The following MORC2 variants were observed in gnomAD, a reference collection of about 807,000 sequenced individuals.
MORC2 encodes ATPase MORC2.
A neutral mutation model predicts 136.0 loss-of-function variants in MORC2; 30 were observed. That is an observed-to-expected ratio of 0.22 (90% CI 0.17 to 0.30). MORC2 has a LOEUF of 0.30. Among genes scored for constraint, MORC2 ranks in the 10% least tolerant of loss-of-function variants. MORC2 has a pLI of 1.00. For synonymous variants in MORC2, 439 were observed against 487.0 expected (o/e 0.90, Z 1.30); for missense variants, 922 against 1,333.1 (o/e 0.69, Z 4.80).
At chr22:30,966,133 A>G (rs1332576860) in intron 1 of MORC2, among the ~76,000 whole-genome samples, 1 of 152,256 alleles carries the variant, frequency 6.6e-6, no homozygotes, top group Non-Finnish European at 1.5e-5. Context: ...GAAGCAATTA[A>G]CTGTTGTTAC....
intron 1 of MORC2, chr22:30,963,299 C>T: frequency 1.0e-6 from 1 of 984,202 alleles, no homozygotes; most frequent in Non-Finnish European, 1.2e-6. Context: ...CTTCACAGAC[C>T]TAAACATCCT....
In MORC2 at chr22:30,941,228, C is replaced by G. The variant is rs1410409950; in HGVS notation, c.824+205G>C. Among the ~76,000 whole-genome samples, 1 of 152,210 alleles carries G rather than the reference C, an allele frequency of 6.6e-6. No individual in the cohort carries two copies. The highest frequency in any genetic ancestry group is 2.4e-5 in the African/African-American group (1 of 41,458). On this transcript the variant is annotated intron_variant, in intron 9 of 25. Transcript: ENST00000397641. The surrounding 1 kb of genome is among the most constrained non-coding windows in gnomAD (Gnocchi z 4.6). Reference sequence around the variant, plus strand: ...CACAGAGGCACACATACTCAATGAGCTTAGCCAGCCACCTCCACAGCTGAT... The same window carrying G: ...CACAGAGGCACACATACTCAATGAGGTTAGCCAGCCACCTCCACAGCTGAT...
At position 30,934,952 on chromosome 22, in the gene MORC2, G is replaced by A. The variant is rs1438417919; in HGVS notation, c.2022C>T (p.Pro674=). 6.2e-7 allele frequency: 1 copy of A among 1,614,124 alleles called. No individual in the cohort carries two copies. Among genetic ancestry groups the A allele is most frequent in the Non-Finnish European group, 8.5e-7 (1 of 1,180,028 alleles). The change falls in exon 19 of 26, where the codon CCC becomes CCT. Residue 674 remains proline, a synonymous_variant. Transcript: ENST00000397641. The surrounding 1 kb of genome is among the most constrained non-coding windows in gnomAD (Gnocchi z 4.4). ...TGACGAGAGTGTTGGCAGGCTTTCG[G>A]GGTGCCTCAGGTGGCTGGAGCAGCC... The part of the protein sequence containing the change: ...TSRLLQPPEA[P]RKPANTLVKT...
chr22:30,963,161 A>G (rs1369752487), intron 1 of MORC2: 3 of 228,328 alleles, frequency 1.3e-5, no homozygotes. Context: ...TATTTTTAGT[A>G]CAGACGGGGT....
At chr22:30,958,432 A>G (rs1252425064) in intron 2 of MORC2, among the ~76,000 whole-genome samples, 1 of 152,224 alleles carries the variant, frequency 6.6e-6, no homozygotes, top group African/African-American at 2.4e-5. Context: ...TAGAACACAA[A>G]GAACAATTAG....
At chr22:30,966,715 T>C (rs1404538272) in intron 1 of MORC2, among the ~76,000 whole-genome samples, 3 of 152,094 alleles carry the variant, frequency 2.0e-5, no homozygotes, top group South Asian at 2.1e-4. Flanking sequence ...GAGGTGAAGG[T>C]TGCAGTGAGC....
At chr22:30,949,962 T>TC (rs1236670331) in intron 4 of MORC2, 120 bp from the exon 5 acceptor site, 1 of 847,712 alleles carries the variant, frequency 1.2e-6, no homozygotes, top group Non-Finnish European at 1.9e-6. Context: ...AAAACCTCTC[T>TC]CCAAGGAAAT....
At chr22:30,929,946 G>C (rs887897428) in intron 24 of MORC2, 2 of 151,976 alleles carry the variant, frequency 1.3e-5, no homozygotes, top group Non-Finnish European at 2.9e-5. Context: ...GCCTTTCCCC[G>C]GGTTCAAGCG....
intron 2 of MORC2, among the ~76,000 whole-genome samples, chr22:30,958,190 G>C (rs2040993769): frequency 6.6e-6 from 1 of 152,172 alleles, no homozygotes; most frequent in African/African-American, 2.4e-5. Context: ...AAGACACTGT[G>C]ATCATTTAGT....
chr22:30,960,997 C>T (rs927012538), intron 1 of MORC2, among the ~76,000 whole-genome samples: 11 of 151,832 alleles, frequency 7.2e-5, no homozygotes, highest in Non-Finnish European at 1.3e-4. Flanking sequence ...TCCCGAGTAG[C>T]TGGGATTACA....
Position 30,967,920 on chromosome 22 carries a change from G to A in MORC2, c.-31C>T, listed in dbSNP as rs762374457. On this transcript the variant is annotated 5_prime_UTR_variant, in exon 1 of 26. Coordinates refer to ENST00000397641, the MANE Select transcript of MORC2 (RefSeq NM_001303256.3). ...CAATAAGGTCTCCAGCCCTTCACCC[G>A]CTAACTGGGAAATATAACCTTATAA... 2.0e-5 allele frequency: 30 copies of A among 1,465,678 alleles called. 1 individual carries two copies. In the South Asian group the frequency reaches 2.1e-4, roughly 10 times the overall value. 90.8% of individuals were successfully genotyped at this position (1,465,678 alleles called of 1,614,324 possible).
Position 30,940,830 on chromosome 22 carries a change from T to C in MORC2, c.832A>G (p.Lys278Glu). ...GTCTTGAAACGGCTTGACGTGTACT[T>C]GTACATCCTGATCAGTAGAAAAAGC... ...SCCLYKPRMYKYTSSRFKTRA... is the reference protein window; with the variant it reads ...SCCLYKPRMYEYTSSRFKTRA... The change falls in exon 10 of 26, where the codon AAG (lysine) becomes GAG (glutamate). Residue 278 changes from lysine (K) to glutamate (E), a missense_variant. By Grantham distance (56) the Lys-to-Glu change is moderately conservative. Around this residue, in one of 9 missense-constraint regions of MORC2, gnomAD observed 261 missense variants for 354.3 expected, o/e 0.74. Coordinates refer to ENST00000397641, the MANE Select transcript of MORC2 (RefSeq NM_001303256.3). 1 of 1,614,054 alleles carries C rather than the reference T, an allele frequency of 6.2e-7. No homozygotes were observed. Among genetic ancestry groups the C allele is most frequent in the South Asian group, 1.1e-5 (1 of 91,070 alleles).
rs774094449 is a variant in MORC2, at chr22:30,938,052, G to A, written c.1214+13C>T. The A allele has an allele frequency of 6.2e-7, 1 of 1,614,018 alleles. No homozygotes were observed. Among genetic ancestry groups the A allele is most frequent in the Non-Finnish European group, 8.5e-7 (1 of 1,179,988 alleles). ...TATCCTGGGCTAGACAGCTCTCTGTGGGTAGTACTCACATGCCCCCTTCCA... is the reference window on the plus strand; with the variant it reads ...TATCCTGGGCTAGACAGCTCTCTGTAGGTAGTACTCACATGCCCCCTTCCA... On this transcript the variant is annotated intron_variant, in intron 13 of 25. Coordinates refer to ENST00000397641, the MANE Select transcript of MORC2 (RefSeq NM_001303256.3).
chr22:30,952,962 A>G (rs979918764), intron 3 of MORC2, among the ~76,000 whole-genome samples: 3 of 152,236 alleles, frequency 2.0e-5, no homozygotes, highest in African/African-American at 7.2e-5. Context: ...AGCTTGTGAA[A>G]ATAGATTCTG....
intron 2 of MORC2, among the ~76,000 whole-genome samples, chr22:30,957,365 C>T (rs964395080): frequency 1.3e-5 from 2 of 152,192 alleles, no homozygotes; most frequent in African/African-American, 4.8e-5. Flanking sequence ...AGACTCCAAC[C>T]ATTGGCTGAA....
At position 30,933,520 on chromosome 22, in the gene MORC2, G is replaced by A. The variant is rs1486497006; in HGVS notation, c.2326C>T (p.Leu776Phe). 1.9e-6 allele frequency: 3 copies of A among 1,613,674 alleles called. No individual in the cohort carries two copies. The East Asian group carries it at 6.7e-5, about 36-fold the overall frequency. Reference sequence around the variant, plus strand: ...TCCTCTTCCCCAGCACTGTCTGAGAGCTGCGTGGAGAGCAGTCTATTAGAG... The same window carrying A: ...TCCTCTTCCCCAGCACTGTCTGAGAACTGCGTGGAGAGCAGTCTATTAGAG... The part of the protein sequence containing the change: ...VKEEKKDSNE[L>F]SDSAGEEDSA... The change falls in exon 21 of 26, where the codon CTC becomes TTC. Residue 776 changes from leucine (L) to phenylalanine (F), a missense_variant and splice_region_variant. Transcript: ENST00000397641.
At chr22:30,957,871 C>T (rs1378349773) in intron 2 of MORC2, among the ~76,000 whole-genome samples, 1 of 152,158 alleles carries the variant, frequency 6.6e-6, no homozygotes, top group Non-Finnish European at 1.5e-5. Context: ...AAATTATCAG[C>T]GAGCACATTA....
In MORC2 at chr22:30,937,791, G is replaced by A. The variant is rs1303817233; in HGVS notation, c.1369+24C>T. On this transcript the variant is annotated intron_variant, in intron 14 of 25. Transcript: ENST00000397641. This position sits in a 1 kb window ranked among gnomAD's most constrained non-coding sequence, Gnocchi z 4.7. ...CATTCAGGTGAAGAGAAAAGGCAGA[G>A]GCCCAGCAGCCCAGCCCCATTACCG... The A allele has an allele frequency of 1.9e-6, 3 of 1,613,944 alleles. No individual in the cohort carries two copies. The highest frequency in any genetic ancestry group is 2.2e-5 in the South Asian group (2 of 91,072).
intron 16 of MORC2, 123 bp from the exon 17 acceptor site, chr22:30,936,766 C>G (rs2040658940): frequency 7.3e-7 from 1 of 1,366,590 alleles, no homozygotes; most frequent in Admixed American, 2.0e-5. Context: ...TCCCAATGCA[C>G]AGAATTAATC....
Sources: gnomAD v4.1 joint callset for allele counts (sites outside exome capture counted in the v4.1 genomes callset) on GRCh38, gnomAD v4.1.1 for gene constraint, gnomAD v4.1.1 regional missense constraint, Gnocchi (gnomAD v3.1) non-coding constraint, MANE v1.5 for transcripts, NCBI Gene and HGNC (gene_info 2026-07-23, HGNC 2026-07-21) for gene names.